CPNE4: variants seen among roughly 807,000 people sequenced by gnomAD.
CPNE4 encodes copine-4.
In CPNE4, 25 loss-of-function variants were observed where a neutral mutation model predicts 67.9. That is an observed-to-expected ratio of 0.37 (90% CI 0.27 to 0.51). The LOEUF is 0.51. Among genes scored for constraint, CPNE4 ranks in the 20% least tolerant of loss-of-function variants. The pLI is 0.93. For synonymous variants in CPNE4, 242 were observed against 244.9 expected (o/e 0.99, Z 0.11); for missense variants, 464 against 690.8 (o/e 0.67, Z 3.68).
chr3:131,608,369 A>T (rs899455169), intron 7 of CPNE4, among the ~76,000 whole-genome samples: 1 of 152,104 alleles, frequency 6.6e-6, no homozygotes, highest in African/African-American at 2.4e-5. Flanking sequence ...CTGAGCCAGG[A>T]GTTTGAGGAA....
Position 131,955,409 on chromosome 3 carries a change from G to GGTTTTTTTTTTTTTTTTTTTTTT in CPNE4, c.-1-49988_-1-49966dup, listed in dbSNP as rs1560674136. 5.8e-4 allele frequency among the ~76,000 whole-genome samples: 31 copies of GGTTTTTTTTTTTTTTTTTTTTTT among 53,610 alleles called. 3 individuals are homozygous for GGTTTTTTTTTTTTTTTTTTTTTT. Among genetic ancestry groups the GGTTTTTTTTTTTTTTTTTTTTTT allele is most frequent in the African/African-American group, 2.1e-3 (26 of 12,656 alleles). 35.2% of individuals were successfully genotyped at this position (53,610 alleles called of 152,430 possible). On this transcript the variant is annotated intron_variant, in intron 1 of 15. Coordinates refer to ENST00000429747, the MANE Select transcript of CPNE4 (RefSeq NM_130808.3). ...TTTTTCTGTGTGGTATTGTATGTAA[G>GGTTTTTTTTTTTTTTTTTTTTTT]GTTTTTTTTTTTTTTTTTTTTTTTT...
chr3:131,964,481 G>C (rs2072283296), intron 1 of CPNE4, among the ~76,000 whole-genome samples: 3 of 151,836 alleles, frequency 2.0e-5, no homozygotes, highest in Admixed American at 2.0e-4. Context: ...CTTGATAAAA[G>C]GTTACAGGAA....
chr3:131,875,593 A>C (rs913391972), intron 2 of CPNE4, among the ~76,000 whole-genome samples: 19 of 150,914 alleles, frequency 1.3e-4, no homozygotes, highest in African/African-American at 4.6e-4. Context: ...AAAAAACCAA[A>C]CACCGCATGT....
intron 8 of CPNE4, 41 bp downstream of exon 8, chr3:131,587,443 A>T (rs369892694): frequency 7.6e-7 from 1 of 1,311,276 alleles, no homozygotes; most frequent in Admixed American, 1.7e-5. Context: ...AGGATGCATC[A>T]TACCGACTGG....
chr3:131,600,020 G>T (rs1042217259), intron 7 of CPNE4, among the ~76,000 whole-genome samples: 2 of 152,132 alleles, frequency 1.3e-5, no homozygotes, highest in Non-Finnish European at 2.9e-5. Flanking sequence ...GCATCCTGAG[G>T]GTTGATCTAT....
rs56412825 is a variant in CPNE4, at chr3:131,547,455, C to CAAAAAAAAAAAAAAAAAAAAAA, written c.1302+2470_1302+2491dup. Among the ~76,000 whole-genome samples, 4 of 36,524 alleles carry CAAAAAAAAAAAAAAAAAAAAAA rather than the reference C, an allele frequency of 1.1e-4. 2 individuals are homozygous for CAAAAAAAAAAAAAAAAAAAAAA. The highest frequency in any genetic ancestry group is 1.1e-4 in the Non-Finnish European group (2 of 17,696). 24.0% of individuals were successfully genotyped at this position (36,524 alleles called of 152,430 possible). A position where few individuals can be genotyped will look rare whatever the true frequency, so the allele number is the denominator to read the frequency against. ...TGGGTGATAGACCAAGACCCTGTCGCAAAAAAAAAAAAAAAAAAAAAAAAA... is the reference window on the plus strand; with the variant it reads ...TGGGTGATAGACCAAGACCCTGTCGCAAAAAAAAAAAAAAAAAAAAAAAAAAAAAAAAAAAAAAAAAAAAAAA... On this transcript the variant is annotated intron_variant, in intron 14 of 15. Transcript: ENST00000429747.
intron 3 of CPNE4, among the ~76,000 whole-genome samples, chr3:131,708,484 A>AGGAG (rs2081469480): frequency 6.6e-6 from 1 of 152,122 alleles, no homozygotes. Context: ...GAAGGGCAGG[A>AGGAG]GCTGATGGAG....
intron 2 of CPNE4, among the ~76,000 whole-genome samples, chr3:131,791,293 T>C (rs2083712113): frequency 6.6e-6 from 1 of 152,186 alleles, no homozygotes; most frequent in African/African-American, 2.4e-5. Flanking sequence ...TGTCACTCTT[T>C]TTTTTGCACT....
intron 5 of CPNE4, among the ~76,000 whole-genome samples, chr3:131,687,148 T>C (rs2080911581): frequency 6.6e-6 from 1 of 152,180 alleles, no homozygotes; most frequent in African/African-American, 2.4e-5. Flanking sequence ...CAAATACATG[T>C]CTCTTGTGTC....
intron 2 of CPNE4, among the ~76,000 whole-genome samples, chr3:131,740,859 A>G (rs1179103526): frequency 6.6e-6 from 1 of 152,160 alleles, no homozygotes; most frequent in Admixed American, 6.5e-5. Flanking sequence ...GATCTCATAT[A>G]ATACCACTCT....
At chr3:132,035,065 C>A (rs1183287317), upstream of CPNE4, 19 of 985,320 alleles carry the variant, frequency 1.9e-5, no homozygotes, top group Non-Finnish European at 2.3e-5. Flanking sequence ...GAAACCTCCG[C>A]GCGAGCGCCC....
chr3:131,951,931 C>T (rs1476096304), intron 1 of CPNE4, among the ~76,000 whole-genome samples: 13 of 148,836 alleles, frequency 8.7e-5, no homozygotes, highest in African/African-American at 1.7e-4. Context: ...ACCTCCCAGC[C>T]ACCTGCCTTG....
rs901933069 is a variant in CPNE4, at chr3:131,570,425, C to T, written c.927+4646G>A. On this transcript the variant is annotated intron_variant, in intron 10 of 15. Coordinates refer to ENST00000429747, the MANE Select transcript of CPNE4 (RefSeq NM_130808.3). ...TATGTATACATGTGCCATGCTGGTG[C>T]GCTGCACCCACTAACGTGTCATCTA... Among the ~76,000 whole-genome samples the T allele has an allele frequency of 7.2e-5, 11 of 151,918 alleles. No homozygotes were observed. In the Middle Eastern group the frequency reaches 0.01, roughly 141 times the overall value.
chr3:131,919,111 T>C (rs1367317951), intron 1 of CPNE4, among the ~76,000 whole-genome samples: 1 of 152,166 alleles, frequency 6.6e-6, no homozygotes, highest in Non-Finnish European at 1.5e-5. Flanking sequence ...AAATGCCTGC[T>C]GGATTCAGCA....
chr3:131,905,867 C>G (rs1158510222), intron 1 of CPNE4, among the ~76,000 whole-genome samples: 2 of 152,154 alleles, frequency 1.3e-5, no homozygotes, highest in Non-Finnish European at 2.9e-5. Context: ...AACTCAACTC[C>G]TATGTGATGG....
chr3:131,979,208 C>T (rs1173845654), intron 1 of CPNE4, among the ~76,000 whole-genome samples: 1 of 152,008 alleles, frequency 6.6e-6, no homozygotes, highest in Non-Finnish European at 1.5e-5. Context: ...TCTATAAGTC[C>T]ATTTGTTCCA....
chr3:131,824,751 A>G (rs572579662), intron 2 of CPNE4, among the ~76,000 whole-genome samples: 1 of 152,324 alleles, frequency 6.6e-6, no homozygotes, highest in South Asian at 2.1e-4. Flanking sequence ...CAGACAAACT[A>G]GAGAAGGATA....
At position 131,810,900 on chromosome 3, in the gene CPNE4, G is replaced by A. The variant is rs556108295; in HGVS notation, c.181-87275C>T. Among the ~76,000 whole-genome samples the A allele has an allele frequency of 4.2e-4, 64 of 152,118 alleles. No individual in the cohort carries two copies. The South Asian group carries it at 0.011, about 25-fold the overall frequency. On this transcript the variant is annotated intron_variant, in intron 2 of 15. Transcript: ENST00000429747. ...CATTTGTGACAACCTTGATAGACCC[G>A]AATAGCATTATGCTGGGTGAAATAA...
At chr3:131,673,937 C>T (rs1425074575) in intron 6 of CPNE4, among the ~76,000 whole-genome samples, 1 of 152,070 alleles carries the variant, frequency 6.6e-6, no homozygotes, top group Non-Finnish European at 1.5e-5. Flanking sequence ...CAGCATGATA[C>T]TAGCTGTGGG....
Sources: allele counts gnomAD v4.1 joint callset (sites outside exome capture counted in the v4.1 genomes callset), GRCh38; gene constraint gnomAD v4.1.1; transcripts MANE v1.5; gene names NCBI Gene and HGNC (gene_info 2026-07-23, HGNC 2026-07-21).